STT3B: variants seen among roughly 807,000 people sequenced by gnomAD.
STT3B encodes the protein dolichyl-diphosphooligosaccharide--protein glycosyltransferase subunit STT3B.
Under a neutral mutation model 96.8 loss-of-function variants are expected in STT3B, and 29 were observed. That is an observed-to-expected ratio of 0.30 (90% CI 0.22 to 0.41). The LOEUF is 0.41. Ranked by LOEUF, STT3B falls within the 10% of genes least tolerant of loss-of-function variation. The pLI is 1.00. For missense variants in STT3B, 640 were observed against 1,022.3 expected (o/e 0.63, Z 5.10); for synonymous variants, 367 against 360.0 (o/e 1.02, Z -0.22).
intron 5 of STT3B, among the ~76,000 whole-genome samples, chr3:31,612,805 T>C (rs564960294): frequency 6.6e-6 from 1 of 152,244 alleles, no homozygotes; most frequent in Admixed American, 6.5e-5. Context: ...ATTGCTAAAA[T>C]TTTTACATTG....
At chr3:31,630,366 C>T (rs1039833305) in intron 14 of STT3B, among the ~76,000 whole-genome samples, 1 of 152,114 alleles carries the variant, frequency 6.6e-6, no homozygotes, top group African/African-American at 2.4e-5. Context: ...CTAGTTTCTC[C>T]CATATATGTA....
rs138585197 is a variant in STT3B, at chr3:31,583,097, G to T, written c.711+3001G>T. On this transcript the variant is annotated intron_variant, in intron 3 of 15. Transcript: ENST00000295770. ...TTAAGTTCTATATCATCTCCTGTCT[G>T]GTTGTTCTATCCATTATTGAGAATA... Among the ~76,000 whole-genome samples, 5 of 152,140 alleles carry T rather than the reference G, an allele frequency of 3.3e-5. No homozygotes were observed. The East Asian group carries it at 9.7e-4, about 29-fold the overall frequency.
chr3:31,592,525 C>T (rs185585059), intron 3 of STT3B, among the ~76,000 whole-genome samples: 13 of 152,242 alleles, frequency 8.5e-5, no homozygotes, highest in Non-Finnish European at 1.9e-4. Flanking sequence ...TTTTCCACAA[C>T]AGCAGTATCA....
At chr3:31,565,496 T>C (rs545996173) in intron 1 of STT3B, among the ~76,000 whole-genome samples, 1 of 152,322 alleles carries the variant, frequency 6.6e-6, no homozygotes, top group South Asian at 2.1e-4. Context: ...AGAACTAAAC[T>C]TCGGAGAAGT....
At chr3:31,550,270 T>G (rs1320608831) in intron 1 of STT3B, among the ~76,000 whole-genome samples, 1 of 152,234 alleles carries the variant, frequency 6.6e-6, no homozygotes, top group East Asian at 1.9e-4. Context: ...GCATCTGACT[T>G]TAAATTGGAA....
At chr3:31,635,894 C>A in intron 15 of STT3B, 90 bp from the exon 16 acceptor site, 2 of 856,846 alleles carry the variant, frequency 2.3e-6, no homozygotes, top group South Asian at 4.0e-5. Flanking sequence ...CTTACTAAGT[C>A]ATCATAGTTC....
At chr3:31,602,695 A>G (rs947937551) in intron 5 of STT3B, among the ~76,000 whole-genome samples, 10 of 150,124 alleles carry the variant, frequency 6.7e-5, no homozygotes, top group Non-Finnish European at 1.5e-4. Context: ...TCACTCTAGA[A>G]AAATATGAAA....
At chr3:31,584,784 C>T (rs148618788) in intron 3 of STT3B, among the ~76,000 whole-genome samples, 1 of 152,168 alleles carries the variant, frequency 6.6e-6, no homozygotes, top group East Asian at 1.9e-4. Context: ...TGAGTTCTGG[C>T]ATAAAATACT....
At chr3:31,542,730 A>C (rs1198498225) in intron 1 of STT3B, among the ~76,000 whole-genome samples, 1 of 152,194 alleles carries the variant, frequency 6.6e-6, no homozygotes, top group Admixed American at 6.5e-5. Context: ...TTCTTGTAGA[A>C]TTCCTCAAAT....
chr3:31,601,175 T>C (rs146295632), intron 5 of STT3B, among the ~76,000 whole-genome samples: 4 of 152,216 alleles, frequency 2.6e-5, no homozygotes, highest in Admixed American at 6.5e-5. Context: ...ATTCGTCATA[T>C]GACCAAGCAG....
chr3:31,623,138 A>G (rs531436071), intron 10 of STT3B, among the ~76,000 whole-genome samples: 2 of 152,062 alleles, frequency 1.3e-5, no homozygotes, highest in African/African-American at 4.8e-5. Flanking sequence ...GACTTTTTCT[A>G]TTCTCTCTTC....
chr3:31,551,329 C>T (rs1166601707), intron 1 of STT3B, among the ~76,000 whole-genome samples: 2 of 152,120 alleles, frequency 1.3e-5, no homozygotes, highest in African/African-American at 4.8e-5. Context: ...GATCCTCCCA[C>T]CTTAGCCTCT....
chr3:31,599,428 A>C (rs1698874553), intron 4 of STT3B, among the ~76,000 whole-genome samples: 1 of 152,332 alleles, frequency 6.6e-6, no homozygotes, highest in Admixed American at 6.5e-5. Context: ...GCGCTCCATT[A>C]GAATAACATT....
intron 5 of STT3B, among the ~76,000 whole-genome samples, chr3:31,603,529 C>T (rs965203313): frequency 1.3e-5 from 2 of 152,020 alleles, no homozygotes; most frequent in African/African-American, 4.8e-5. Context: ...GCATAGGATT[C>T]TACTGTTTTA....
chr3:31,578,562 T>A (rs914262439), intron 2 of STT3B, among the ~76,000 whole-genome samples: 1 of 150,196 alleles, frequency 6.7e-6, no homozygotes, highest in Admixed American at 6.6e-5. Context: ...CACTTTGTTT[T>A]TTTTTCCCCC....
chr3:31,590,869 G>C (rs1443032656), intron 3 of STT3B, among the ~76,000 whole-genome samples: 1 of 151,988 alleles, frequency 6.6e-6, no homozygotes, highest in Non-Finnish European at 1.5e-5. Context: ...TATCTTGACT[G>C]TTCAAAACAA....
chr3:31,570,090 T>C (rs2125448445), intron 1 of STT3B, among the ~76,000 whole-genome samples: 1 of 151,450 alleles, frequency 6.6e-6, no homozygotes, highest in South Asian at 2.1e-4. Flanking sequence ...CACTCTCCTT[T>C]CAGCTATTTA....
At chr3:31,619,606 A>G (rs1273521197) in intron 8 of STT3B, 70 bp from the exon 9 acceptor site, 3 of 1,341,918 alleles carry the variant, frequency 2.2e-6, no homozygotes, top group Non-Finnish European at 3.1e-6. Context: ...ACCAAACAAG[A>G]TTTCTTCATC....
chr3:31,580,198 C>T (rs1327129621), intron 3 of STT3B, 102 bp downstream of exon 3: 5 of 1,113,014 alleles, frequency 4.5e-6, no homozygotes, highest in Non-Finnish European at 5.2e-6. Context: ...TATGTAGTTG[C>T]GTACAGAGAT....
Sources: allele counts gnomAD v4.1 joint callset (sites outside exome capture counted in the v4.1 genomes callset), GRCh38; gene constraint gnomAD v4.1.1; transcripts MANE v1.5; gene names NCBI Gene and HGNC (gene_info 2026-07-23, HGNC 2026-07-21).